KANSL3: variants seen among roughly 807,000 people sequenced by gnomAD.
KANSL3 encodes the protein NSL complex protein NSL3.
In KANSL3, 16 loss-of-function variants were observed where a neutral mutation model predicts 89.2. That is an observed-to-expected ratio of 0.18 (90% confidence interval 0.12 to 0.27). The LOEUF (loss-of-function observed/expected upper bound fraction) is 0.27, where lower values mean the gene tolerates loss of function less well. Ranked by LOEUF, KANSL3 falls within the 10% of genes least tolerant of loss-of-function variation. The probability of loss-of-function intolerance (pLI) is 1.00; values close to 1 mark genes in which losing one functional copy is unlikely to be tolerated. For synonymous variants in KANSL3, 385 were observed against 419.7 expected, an observed-to-expected ratio of 0.92 and a Z score of 1.01; for missense variants, 879 against 1,110.6, an observed-to-expected ratio of 0.79 and a Z score of 2.96.
In KANSL3 at chr2:96,611,158, T is replaced by G. The variant is rs755018432; in HGVS notation, c.1087-20A>C. ...TGACACCTGTAAATAACAGAACAGT[T>G]TGTCTAAACGTCAACTGAGTTCATG... On this transcript the variant is annotated intron_variant, in intron 9 of 20. Coordinates refer to ENST00000431828, the MANE Select transcript of KANSL3 (RefSeq NM_001115016.3). 3 of 1,609,668 alleles carry G rather than the reference T, an allele frequency of 1.9e-6. No individual in the cohort carries two copies. The highest frequency in any genetic ancestry group is 2.6e-6 in the Non-Finnish European group (3 of 1,175,982).
At chr2:96,597,398 G>A (rs2066639978) in intron 20 of KANSL3, among the ~76,000 whole-genome samples, 1 of 152,118 alleles carries the variant, frequency 6.6e-6, no homozygotes, top group Non-Finnish European at 1.5e-5. Context: ...AAGCCCAGAA[G>A]GATAGGTGAT....
chr2:96,636,581 G>C (rs967186800), intron 2 of KANSL3, among the ~76,000 whole-genome samples: 1 of 152,198 alleles, frequency 6.6e-6, no homozygotes, highest in Non-Finnish European at 1.5e-5. Context: ...TAAAAGAGTC[G>C]TATCCTGTGG....
In KANSL3 at chr2:96,593,245, A is replaced by C. The variant is rs1172899596; in HGVS notation, c.*2366T>G. 1 of 456,064 alleles carries C rather than the reference A, an allele frequency of 2.2e-6. No individual in the cohort carries two copies. The allele number at this position is 456,064 out of a possible 1,614,324, so 28.3% of individuals were successfully genotyped here. A position where few individuals can be genotyped will look rare whatever the true frequency, so the allele number is the denominator to read the frequency against. ...TCACAGCCGCTCAGCTCTATAACCC[A>C]TCCAGCCCAAGACTGTTCTAGTGGT... On this transcript the variant is annotated 3_prime_UTR_variant, in exon 21 of 21. Coordinates refer to ENST00000431828, the MANE Select transcript of KANSL3 (RefSeq NM_001115016.3).
chr2:96,597,033 C>T (rs1269295671), intron 20 of KANSL3, among the ~76,000 whole-genome samples: 6 of 152,192 alleles, frequency 3.9e-5, no homozygotes, highest in South Asian at 2.1e-4. Context: ...AGAAACAAAA[C>T]AGATAATTAA....
At position 96,601,137 on chromosome 2, in the gene KANSL3, G is replaced by A. The variant is rs191611283; in HGVS notation, c.2616+506C>T. ...CCCTGTTGTAGCCGGGCATGGTGGC[G>A]GGCGCCTGTAATCCCAGTTACTTGG... is the stretch of plus-strand genomic sequence containing the variant. On this transcript the variant is annotated intron_variant, in intron 20 of 20. Coordinates refer to ENST00000431828, the MANE Select transcript of KANSL3 (RefSeq NM_001115016.3). 77 of 263,296 alleles carry A rather than the reference G, an allele frequency of 2.9e-4. 1 individual carries two copies. In the Admixed American group the frequency reaches 3.8e-3, roughly 13 times the overall value. The allele number at this position is 263,296 out of a possible 1,614,324, so 16.3% of individuals were successfully genotyped here. A position where few individuals can be genotyped will look rare whatever the true frequency, so the allele number is the denominator to read the frequency against.
chr2:96,590,308 T>C (rs1388484360), downstream of KANSL3, among the ~76,000 whole-genome samples: 1 of 151,994 alleles, frequency 6.6e-6, no homozygotes, highest in Non-Finnish European at 1.5e-5. Context: ...TTTTTTTTTC[T>C]TTAGAAACAA....
At chr2:96,604,891 T>G (rs1368643015) in intron 15 of KANSL3, 28 bp from the exon 16 acceptor site, 2 of 1,559,226 alleles carry the variant, frequency 1.3e-6, no homozygotes. Flanking sequence ...CCAAGGCCCC[T>G]GGTCAGTCCT....
downstream of KANSL3, among the ~76,000 whole-genome samples, chr2:96,592,251 C>G (rs528302863): frequency 9.1e-4 from 139 of 152,196 alleles, 1 homozygote; most frequent in African/African-American, 3.3e-3. Context: ...CCAGAGGGCT[C>G]CAATGCCAAG....
At chr2:96,623,772 TA>T (rs894880347) in intron 3 of KANSL3, among the ~76,000 whole-genome samples, 2 of 151,470 alleles carry the variant, frequency 1.3e-5, no homozygotes, top group Non-Finnish European at 2.9e-5. Flanking sequence ...CTTCTAACAA[TA>T]AAAAAAAATT....
At chr2:96,581,547 G>A in the KANSL3 span, among the ~76,000 whole-genome samples, 2 of 151,808 alleles carry the variant, frequency 1.3e-5, no homozygotes, top group Admixed American at 1.3e-4. Context: ...ATTTCCACGA[G>A]TGCTTCAACA....
At chr2:96,634,653 T>A (rs2073998253) in intron 2 of KANSL3, among the ~76,000 whole-genome samples, 1 of 152,250 alleles carries the variant, frequency 6.6e-6, no homozygotes, top group Non-Finnish European at 1.5e-5. Context: ...AAACTTTATG[T>A]TAACTTTTTG....
At chr2:96,598,101 C>G (rs967331846) in intron 20 of KANSL3, 1 of 985,276 alleles carries the variant, frequency 1.0e-6, no homozygotes, top group Non-Finnish European at 1.2e-6. Flanking sequence ...AGGAAGGGAT[C>G]ACGTGGCAGG....
chr2:96,606,919 G>T, intron 14 of KANSL3: 1 of 1,030,514 alleles, frequency 9.7e-7, no homozygotes, highest in Non-Finnish European at 1.3e-6. Flanking sequence ...TAAATAAGGG[G>T]TTGAGGAGCA....
chr2:96,619,781 G>C lies in KANSL3; in HGVS notation c.387-19C>G. ...GCCAGTCCTATAAGGGAAACTCTGA[G>C]GAATTATAGTCAAACCCTGGGGACG... On this transcript the variant is annotated intron_variant, in intron 3 of 20. Transcript: ENST00000431828. 1 of 1,543,954 alleles carries C rather than the reference G, an allele frequency of 6.5e-7. No individual in the cohort carries two copies. The highest frequency in any genetic ancestry group is 1.2e-5 in the South Asian group (1 of 83,864).
chr2:96,595,609 C>T lies in KANSL3; in HGVS notation c.*2G>A, dbSNP rs1175423693. ...GTAAGGAGGACATATCACACAGCAT[C>T]TTCAGGGTGCTGGAGGCAGGCGCTG... On this transcript the variant is annotated 3_prime_UTR_variant, in exon 21 of 21. Coordinates refer to ENST00000431828, the MANE Select transcript of KANSL3 (RefSeq NM_001115016.3). The T allele has an allele frequency of 1.2e-6, 2 of 1,613,658 alleles. No individual in the cohort carries two copies. Among genetic ancestry groups the T allele is most frequent in the Admixed American group, 3.3e-5 (2 of 59,988 alleles).
At chr2:96,609,947 C>T in intron 11 of KANSL3, among the ~76,000 whole-genome samples, 1 of 63,302 alleles carries the variant, frequency 1.6e-5, no homozygotes, top group Non-Finnish European at 2.5e-5. Context: ...CCAGGCGCCA[C>T]CTCAAAAAAA....
intron 20 of KANSL3, chr2:96,598,065 A>G (rs1472109091): frequency 1.0e-6 from 1 of 984,380 alleles, no homozygotes; most frequent in Non-Finnish European, 1.2e-6. Context: ...GGCCATGGCA[A>G]GCTGAGACGG....
rs747449561 is a variant in KANSL3, at chr2:96,608,570, G to C, written c.1679C>G (p.Ser560Cys). The part of the protein sequence containing the change: ...SAQKSSQIGS[S>C]QLLKRHVQRT... ...CTGCACATGTCTCTTCAGCAGCTGAGAACTTCCAATCTGACTGGACTTCTG... is the reference window on the plus strand; with the variant it reads ...CTGCACATGTCTCTTCAGCAGCTGACAACTTCCAATCTGACTGGACTTCTG... The change falls in exon 14 of 21, where the codon TCT becomes TGT. Residue 560 changes from serine (S) to cysteine (C), a missense_variant. Around this residue, in one of 6 missense-constraint regions of KANSL3, gnomAD observed 317 missense variants for 311.2 expected, o/e 1.02. Transcript: ENST00000431828. 5 of 1,613,896 alleles carry C rather than the reference G, an allele frequency of 3.1e-6. No homozygotes were observed. Among genetic ancestry groups the C allele is most frequent in the Non-Finnish European group, 3.4e-6 (4 of 1,179,910 alleles).
chr2:96,594,028 A>G lies in KANSL3; in HGVS notation c.*1583T>C, dbSNP rs926052097. On this transcript the variant is annotated 3_prime_UTR_variant, in exon 21 of 21. Coordinates refer to ENST00000431828, the MANE Select transcript of KANSL3 (RefSeq NM_001115016.3). Reference sequence around the variant, plus strand: ...GGAGGGAAGGTATGGGGTTTAGGGTACCCTCTCCTATCACACACATCCCCC... The same window carrying G: ...GGAGGGAAGGTATGGGGTTTAGGGTGCCCTCTCCTATCACACACATCCCCC... 2 of 152,104 alleles carry G rather than the reference A, an allele frequency of 1.3e-5. No individual in the cohort carries two copies. Among genetic ancestry groups the G allele is most frequent in the Non-Finnish European group, 2.9e-5 (2 of 68,064 alleles). 9.4% of individuals were successfully genotyped at this position (152,104 alleles called of 1,614,324 possible).
Sources: gnomAD v4.1 joint callset for allele counts (sites outside exome capture counted in the v4.1 genomes callset) on GRCh38, gnomAD v4.1.1 for gene constraint, gnomAD v4.1.1 regional missense constraint, MANE v1.5 for transcripts, NCBI Gene and HGNC (gene_info 2026-07-23, HGNC 2026-07-21) for gene names.